Variants in DDR2 observed in about 807,000 individuals in gnomAD.
DDR2 encodes the protein discoidin domain receptor tyrosine kinase 2, also known as discoidin domain-containing receptor 2.
Under a neutral mutation model 94.9 loss-of-function variants are expected in DDR2, and 27 were observed. The observed-to-expected ratio is 0.28, with a 90% CI of 0.21 to 0.39. DDR2 has a LOEUF of 0.39. DDR2 is among the 10% of genes least tolerant of loss of function. The pLI is 1.00. For synonymous variants in DDR2, 382 were observed against 377.2 expected, an observed-to-expected ratio of 1.01 and a Z score of -0.15; for missense variants, 783 against 1,076.0, an observed-to-expected ratio of 0.73 and a Z score of 3.81.
chr1:162,720,910 A>G (rs753604291), intron 3 of DDR2, among the ~76,000 whole-genome samples: 13 of 152,152 alleles, frequency 8.5e-5, no homozygotes, highest in Non-Finnish European at 1.6e-4. Context: ...GTTTTTCTTT[A>G]TACCTTCAAT....
At chr1:162,730,622 C>T (rs998170991) in intron 3 of DDR2, among the ~76,000 whole-genome samples, 5 of 152,142 alleles carry the variant, frequency 3.3e-5, no homozygotes, top group East Asian at 1.9e-4. Flanking sequence ...AAATCCACCT[C>T]GAAAGCAGAG....
chr1:162,761,537 G>C, intron 9 of DDR2, 83 bp downstream of exon 9: 1 of 1,604,234 alleles, frequency 6.2e-7, no homozygotes, highest in South Asian at 1.1e-5. Context: ...TCATTAGCAG[G>C]TCTCTGAGAG....
intron 2 of DDR2, among the ~76,000 whole-genome samples, chr1:162,664,842 A>G (rs1005634991): frequency 1.3e-5 from 2 of 152,222 alleles, no homozygotes; most frequent in Admixed American, 6.5e-5. Context: ...GAATGCATTA[A>G]AAAACCTAGG....
chr1:162,728,000 C>T (rs12048785), intron 3 of DDR2, among the ~76,000 whole-genome samples: 1 of 131,900 alleles, frequency 7.6e-6, no homozygotes, highest in African/African-American at 2.8e-5. Flanking sequence ...CTATATATAT[C>T]TATATATATA....
intron 16 of DDR2, among the ~76,000 whole-genome samples, chr1:162,778,171 C>G (rs1020877551): frequency 6.6e-6 from 1 of 152,200 alleles, no homozygotes; most frequent in Non-Finnish European, 1.5e-5. Context: ...GTGATTATCA[C>G]TGAACTGGTA....
intron 2 of DDR2, among the ~76,000 whole-genome samples, chr1:162,703,080 G>A (rs1209708181): frequency 1.3e-5 from 2 of 152,168 alleles, no homozygotes; most frequent in African/African-American, 4.8e-5. Flanking sequence ...ACTAGATTGA[G>A]TGATAAAGCA....
chr1:162,658,725 G>A (rs966774515), intron 2 of DDR2, among the ~76,000 whole-genome samples: 1 of 149,932 alleles, frequency 6.7e-6, no homozygotes, highest in Non-Finnish European at 1.5e-5. Context: ...CTACTGGGGA[G>A]GCTGAGGCTG....
At chr1:162,691,560 A>T (rs1463700084) in intron 2 of DDR2, among the ~76,000 whole-genome samples, 1 of 152,244 alleles carries the variant, frequency 6.6e-6, no homozygotes, top group African/African-American at 2.4e-5. Context: ...GTGCTTGGTG[A>T]CAGCAATATA....
At chr1:162,703,984 AATCTTGGCAGAGGTGGTGGCATCCTTC>A (rs1462385670) in intron 2 of DDR2, among the ~76,000 whole-genome samples, 3 of 152,150 alleles carry the variant, frequency 2.0e-5, no homozygotes, top group African/African-American at 7.2e-5. Context: ...TGCTGAGTAG[AATCTTGGCAGAGGTGGTGGCATCCTTC>A]ATTTGACTTT....
intron 12 of DDR2, 32 bp downstream of exon 12, chr1:162,770,544 G>A: frequency 1.2e-6 from 2 of 1,603,890 alleles, no homozygotes; most frequent in Non-Finnish European, 1.7e-6. Context: ...GGGTGTCAAG[G>A]GAGAAACCTC....
intron 14 of DDR2, among the ~76,000 whole-genome samples, chr1:162,775,123 T>C (rs541973371): frequency 3.9e-5 from 6 of 152,284 alleles, no homozygotes; most frequent in African/African-American, 1.4e-4. Context: ...TAAATACATG[T>C]TGCAACTGAC....
intron 2 of DDR2, among the ~76,000 whole-genome samples, chr1:162,681,916 G>A (rs1659426648): frequency 6.6e-6 from 1 of 152,214 alleles, no homozygotes; most frequent in South Asian, 2.1e-4. Flanking sequence ...AGACTTTCAT[G>A]TCTCTGCTCT....
intron 2 of DDR2, among the ~76,000 whole-genome samples, chr1:162,694,777 A>G (rs1660111341): frequency 6.6e-6 from 1 of 152,232 alleles, no homozygotes; most frequent in Non-Finnish European, 1.5e-5. Flanking sequence ...TAACTGATAG[A>G]AATATCTTTC....
At chr1:162,687,674 C>T (rs1391304962) in intron 2 of DDR2, among the ~76,000 whole-genome samples, 6 of 151,918 alleles carry the variant, frequency 3.9e-5, no homozygotes, top group Non-Finnish European at 7.4e-5. Context: ...CTGAGATTTC[C>T]GGTGGGGATG....
At chr1:162,741,698 T>G in intron 3 of DDR2, 1 of 985,332 alleles carries the variant, frequency 1.0e-6, no homozygotes, top group Non-Finnish European at 1.2e-6. Context: ...TACACACAGG[T>G]GACAGTCACA....
chr1:162,763,134 G>T (rs1663824791), intron 9 of DDR2, among the ~76,000 whole-genome samples: 1 of 151,422 alleles, frequency 6.6e-6, no homozygotes, highest in South Asian at 2.1e-4. Flanking sequence ...ACCGTGTCTG[G>T]CCATTATTCT....
At chr1:162,632,704 T>C (rs1571119084) in intron 1 of DDR2, 73 bp downstream of exon 1, 1 of 152,214 alleles carries the variant, frequency 6.6e-6, no homozygotes, top group Non-Finnish European at 1.5e-5. Flanking sequence ...ATACTTCTTT[T>C]GGTGTTTCAG....
At chr1:162,774,606 C>A (rs1647422237) in intron 14 of DDR2, among the ~76,000 whole-genome samples, 1 of 152,104 alleles carries the variant, frequency 6.6e-6, no homozygotes, top group Admixed American at 6.6e-5. Context: ...CGAAGTATTT[C>A]TTATATTAAT....
intron 3 of DDR2, among the ~76,000 whole-genome samples, chr1:162,720,550 A>G (rs1228810862): frequency 6.6e-6 from 1 of 152,014 alleles, no homozygotes; most frequent in Non-Finnish European, 1.5e-5. Context: ...TAGCCAATCT[A>G]CTGTAGATGG....
Sources: gnomAD v4.1 joint callset for allele counts (sites outside exome capture counted in the v4.1 genomes callset) on GRCh38, gnomAD v4.1.1 for gene constraint, MANE v1.5 for transcripts, NCBI Gene and HGNC (gene_info 2026-07-23, HGNC 2026-07-21) for gene names.